The following STK33 variants were observed in gnomAD, a reference collection of about 807,000 sequenced individuals.
STK33 encodes serine/threonine kinase 33.
STK33 carries 52 observed loss-of-function variants against 58.0 expected under a neutral mutation model. The observed-to-expected ratio is 0.90, with a 90% CI of 0.72 to 1.13. The LOEUF is 1.13. STK33 is among the 50% of genes most tolerant of loss of function. The pLI, the probability that STK33 is intolerant of heterozygous loss-of-function variation, is 0.00. For synonymous variants in STK33, 215 were observed against 200.1 expected, an observed-to-expected ratio of 1.07 and a Z score of -0.63; for missense variants, 630 against 604.2, an observed-to-expected ratio of 1.04 and a Z score of -0.45.
At chr11:8,574,251 T>C (rs1958026178) in intron 1 of STK33, among the ~76,000 whole-genome samples, 1 of 152,222 alleles carries the variant, frequency 6.6e-6, no homozygotes, top group Non-Finnish European at 1.5e-5. Context: ...TTGTGGACTG[T>C]GTCAACCTTG....
intron 11 of STK33, among the ~76,000 whole-genome samples, chr11:8,451,913 A>T (rs1030149359): frequency 1.3e-5 from 2 of 152,198 alleles, no homozygotes; most frequent in Non-Finnish European, 2.9e-5. Flanking sequence ...GGATAAAAAA[A>T]TGCAAAGAGG....
At chr11:8,542,797 C>T (rs2140367006) in intron 1 of STK33, among the ~76,000 whole-genome samples, 1 of 152,286 alleles carries the variant, frequency 6.6e-6, no homozygotes, top group South Asian at 2.1e-4. Flanking sequence ...CAACCTCTGC[C>T]TCCCCAGGCT....
At chr11:8,407,880 T>C (rs1321033355) in intron 15 of STK33, among the ~76,000 whole-genome samples, 1 of 152,134 alleles carries the variant, frequency 6.6e-6, no homozygotes, top group Non-Finnish European at 1.5e-5. Context: ...AGAACACGCT[T>C]AGCAATAGCA....
chr11:8,485,391 A>C (rs540681798), intron 1 of STK33, among the ~76,000 whole-genome samples: 1 of 152,340 alleles, frequency 6.6e-6, no homozygotes, highest in African/African-American at 2.4e-5. Context: ...CCAGATAACA[A>C]AAGTCATGTA....
At chr11:8,401,899 A>G (rs1590766460) in intron 15 of STK33, among the ~76,000 whole-genome samples, 2 of 152,154 alleles carry the variant, frequency 1.3e-5, no homozygotes. Context: ...AGAAATGCAA[A>G]TCAAAACCAC....
chr11:8,370,383 A>G, the STK33 span, among the ~76,000 whole-genome samples: 1 of 152,098 alleles, frequency 6.6e-6, no homozygotes, highest in Non-Finnish European at 1.5e-5. Flanking sequence ...TTTTGTGTAG[A>G]GATGGGGTCT....
In STK33 at chr11:8,440,744, A is replaced by G. The variant is rs1944638199; in HGVS notation, c.881T>C (p.Val294Ala). The G allele has an allele frequency of 1.3e-6, 2 of 1,566,206 alleles. No individual in the cohort carries two copies. Among genetic ancestry groups the G allele is most frequent in the Non-Finnish European group, 1.7e-6 (2 of 1,153,464 alleles). Residue 294 changes from valine to alanine, a missense_variant, in exon 12 of 16, where the codon GTT becomes GCT. By Grantham distance (64) the Val-to-Ala change is moderately conservative (BLOSUM62 0). Coordinates refer to ENST00000687296, the MANE Select transcript of STK33 (RefSeq NM_001352389.2). The part of the protein sequence containing the change: ...CGTPIYMAPE[V>A]ISAHDYSQQC... ...CTGGCTATAGTCGTGGGCACTGATA[A>G]CTTCAGGGGCTGCCAAACAAGCAGA...
At chr11:8,509,742 A>C (rs559251370) in intron 1 of STK33, among the ~76,000 whole-genome samples, 2 of 152,120 alleles carry the variant, frequency 1.3e-5, no homozygotes, top group Non-Finnish European at 2.9e-5. Flanking sequence ...TCCCACTTAT[A>C]AGTGAGAACA....
At chr11:8,506,655 T>C (rs1227827930) in intron 1 of STK33, among the ~76,000 whole-genome samples, 3 of 152,168 alleles carry the variant, frequency 2.0e-5, no homozygotes, top group African/African-American at 7.2e-5. Context: ...TAACCTTAAT[T>C]AATTCTGCAA....
the STK33 span, among the ~76,000 whole-genome samples, chr11:8,380,170 G>C: frequency 1.3e-5 from 2 of 152,152 alleles, no homozygotes; most frequent in African/African-American, 2.4e-5. Context: ...GGGTTGAATG[G>C]TATTTGTGTT....
At chr11:8,469,785 T>C (rs528629412) in intron 6 of STK33, among the ~76,000 whole-genome samples, 1 of 152,330 alleles carries the variant, frequency 6.6e-6, no homozygotes, top group African/African-American at 2.4e-5. Context: ...GAAAACAACA[T>C]TCATCTTGTA....
chr11:8,402,085 T>A (rs1432517424), intron 15 of STK33, among the ~76,000 whole-genome samples: 2 of 152,162 alleles, frequency 1.3e-5, no homozygotes, highest in African/African-American at 4.8e-5. Flanking sequence ...AGAATTAGAA[T>A]TACCATTTGA....
At chr11:8,494,696 T>C (rs1049197990) in intron 1 of STK33, among the ~76,000 whole-genome samples, 69 of 152,248 alleles carry the variant, frequency 4.5e-4, no homozygotes, top group African/African-American at 1.4e-3. Flanking sequence ...CTTCAAACTA[T>C]ATACAAGGCT....
chr11:8,474,801 A>T lies in STK33; in HGVS notation c.105T>A (p.Pro35=). 6.2e-7 allele frequency: 1 copy of T among 1,613,454 alleles called. No individual in the cohort carries two copies. The highest frequency in any genetic ancestry group is 8.5e-7 in the Non-Finnish European group (1 of 1,179,726). Reference sequence around the variant, plus strand: ...GTGACATTTCCACCACCAAAACTGGAGGAACCCTTGTTTTGCTGGAACATA... The same window carrying T: ...GTGACATTTCCACCACCAAAACTGGTGGAACCCTTGTTTTGCTGGAACATA... ...LCVCSSKTRV[P]PVLVVEMSQT... is the part of the protein sequence containing the mutation. The change falls in exon 5 of 16, where the codon CCT becomes CCA. Residue 35 remains proline, a synonymous_variant. Coordinates refer to ENST00000687296, the MANE Select transcript of STK33 (RefSeq NM_001352389.2).
At chr11:8,397,907 G>C (rs1312672528) in intron 15 of STK33, among the ~76,000 whole-genome samples, 1 of 152,134 alleles carries the variant, frequency 6.6e-6, no homozygotes, top group Non-Finnish European at 1.5e-5. Flanking sequence ...GAGAAGTTTA[G>C]AGAAAAAAGA....
At chr11:8,412,934 C>A (rs1289113055) in intron 15 of STK33, among the ~76,000 whole-genome samples, 1 of 152,102 alleles carries the variant, frequency 6.6e-6, no homozygotes, top group African/African-American at 2.4e-5. Context: ...GCATTCAGAA[C>A]TAATAAGGTA....
chr11:8,470,306 A>G (rs963830326), intron 6 of STK33, among the ~76,000 whole-genome samples: 6 of 152,038 alleles, frequency 3.9e-5, no homozygotes, highest in African/African-American at 1.5e-4. Context: ...TCCTGAACCA[A>G]TCTGTGCTAG....
At chr11:8,445,355 T>C (rs1945298773) in intron 11 of STK33, among the ~76,000 whole-genome samples, 1 of 152,094 alleles carries the variant, frequency 6.6e-6, no homozygotes, top group Non-Finnish European at 1.5e-5. Context: ...TCTCTTCCTA[T>C]TTGAATACCC....
chr11:8,423,547 T>C (rs1394939329), intron 14 of STK33, among the ~76,000 whole-genome samples: 1 of 152,102 alleles, frequency 6.6e-6, no homozygotes, highest in East Asian at 1.9e-4. Context: ...ATATTTAATC[T>C]TGTTGTTTAC....
Sources: allele counts gnomAD v4.1 joint callset (sites outside exome capture counted in the v4.1 genomes callset), GRCh38; gene constraint gnomAD v4.1.1; transcripts MANE v1.5; gene names NCBI Gene and HGNC (gene_info 2026-07-23, HGNC 2026-07-21).